INPP4B: variants seen among roughly 807,000 people sequenced by gnomAD.
The protein encoded by INPP4B is inositol polyphosphate-4-phosphatase type II B.
A neutral mutation model predicts 122.5 loss-of-function variants in INPP4B; 55 were observed. The observed-to-expected ratio is 0.45, with a 90% confidence interval of 0.36 to 0.56. The LOEUF is 0.56. Among genes scored for constraint, INPP4B ranks in the 20% least tolerant of loss-of-function variants. The pLI is 0.00. For missense variants in INPP4B, 1,000 were observed against 1,097.7 expected (o/e 0.91, Z 1.26); for synonymous variants, 403 against 388.7 (o/e 1.04, Z -0.43).
Position 142,215,118 on chromosome 4 carries a change from T to C in INPP4B, c.837-6092A>G, listed in dbSNP as rs934343296. The stretch of plus-strand genomic sequence containing the variant: ...TTCATAAACTCCCAGGATGCTACGG[T>C]TGGAAGGAAGCTCAGAGAATAACCT... On this transcript the variant is annotated intron_variant, in intron 12 of 25. Coordinates refer to ENST00000262992, the MANE Select transcript of INPP4B (RefSeq NM_001101669.3). Among the ~76,000 whole-genome samples the C allele has an allele frequency of 2.0e-5, 3 of 152,130 alleles. 1 individual carries two copies. The highest frequency in any genetic ancestry group is 2.9e-5 in the Non-Finnish European group (2 of 68,032).
chr4:142,512,845 G>C (rs1323801424), intron 2 of INPP4B, among the ~76,000 whole-genome samples: 1 of 151,962 alleles, frequency 6.6e-6, no homozygotes, highest in Non-Finnish European at 1.5e-5. Flanking sequence ...AAAGTAATTT[G>C]TGCTCATTAT....
chr4:142,712,448 C>A (rs1763232473), intron 2 of INPP4B, among the ~76,000 whole-genome samples: 1 of 152,192 alleles, frequency 6.6e-6, no homozygotes, highest in Non-Finnish European at 1.5e-5. Flanking sequence ...ATCCAAATGT[C>A]CAAGGCATGC....
At chr4:142,679,948 A>C (rs1758387143) in intron 2 of INPP4B, among the ~76,000 whole-genome samples, 1 of 151,764 alleles carries the variant, frequency 6.6e-6, no homozygotes, top group Non-Finnish European at 1.5e-5. Context: ...TTAGAGACTT[A>C]AGCAATTAAA....
At chr4:142,691,328 G>GT (rs1220526135) in intron 2 of INPP4B, among the ~76,000 whole-genome samples, 162 of 146,728 alleles carry the variant, frequency 1.1e-3, no homozygotes, top group African/African-American at 1.2e-3. Context: ...CAAGGGCAAA[G>GT]TTTTTTTTTT....
At chr4:142,482,653 T>C (rs1434023144) in intron 2 of INPP4B, among the ~76,000 whole-genome samples, 1 of 152,192 alleles carries the variant, frequency 6.6e-6, no homozygotes, top group Non-Finnish European at 1.5e-5. Context: ...AAACAGGCTC[T>C]GTATGTATCA....
chr4:142,229,508 G>A (rs904150376), intron 12 of INPP4B, among the ~76,000 whole-genome samples: 14 of 152,050 alleles, frequency 9.2e-5, no homozygotes, highest in African/African-American at 2.9e-4. Context: ...CCACATGGCC[G>A]GTGAATGGTG....
At chr4:142,391,047 G>A (rs1797503779) in intron 7 of INPP4B, among the ~76,000 whole-genome samples, 1 of 152,094 alleles carries the variant, frequency 6.6e-6, no homozygotes, top group African/African-American at 2.4e-5. Flanking sequence ...TTATAAAACT[G>A]CTAACCCAAG....
intron 3 of INPP4B, among the ~76,000 whole-genome samples, chr4:142,459,255 C>T (rs1019829664): frequency 2.2e-5 from 3 of 139,268 alleles, no homozygotes; most frequent in African/African-American, 8.1e-5. Context: ...TTCACAGATA[C>T]GGATCAAAGG....
At chr4:142,414,353 T>C (rs1440591721) in intron 5 of INPP4B, among the ~76,000 whole-genome samples, 2 of 152,110 alleles carry the variant, frequency 1.3e-5, no homozygotes, top group East Asian at 3.9e-4. Flanking sequence ...GGGAATATTA[T>C]TGATACTAAA....
intron 23 of INPP4B, among the ~76,000 whole-genome samples, chr4:142,106,966 C>T (rs970219841): frequency 6.6e-6 from 1 of 151,746 alleles, no homozygotes. Context: ...ATAATAAACT[C>T]TTTTTTTTCA....
chr4:142,780,780 A>C (rs977750459), intron 1 of INPP4B, among the ~76,000 whole-genome samples: 1 of 152,160 alleles, frequency 6.6e-6, no homozygotes, highest in East Asian at 1.9e-4. Context: ...CCTGGGTGAC[A>C]GAGTGAAACA....
chr4:142,581,170 A>G (rs1734974413), intron 2 of INPP4B, among the ~76,000 whole-genome samples: 1 of 152,016 alleles, frequency 6.6e-6, no homozygotes, highest in Non-Finnish European at 1.5e-5. Context: ...AAAAAAATAT[A>G]CTTTTGTTTA....
At chr4:142,537,521 C>T (rs927099667) in intron 2 of INPP4B, among the ~76,000 whole-genome samples, 2 of 149,856 alleles carry the variant, frequency 1.3e-5, no homozygotes, top group Non-Finnish European at 3.0e-5. Flanking sequence ...CCTCACAACA[C>T]ACACAATCAC....
chr4:142,377,620 T>C (rs1792452687), intron 7 of INPP4B, among the ~76,000 whole-genome samples: 2 of 152,074 alleles, frequency 1.3e-5, no homozygotes, highest in Admixed American at 1.3e-4. Flanking sequence ...TAGGCAGAAA[T>C]GAGAATCAGG....
At chr4:142,444,801 A>G (rs138195348) in intron 3 of INPP4B, among the ~76,000 whole-genome samples, 2 of 152,334 alleles carry the variant, frequency 1.3e-5, no homozygotes, top group Non-Finnish European at 2.9e-5. Flanking sequence ...AATGTGGCAC[A>G]TAAACACCAT....
rs1290417540 is a variant in INPP4B, at chr4:142,230,010, C to T, written c.836+7854G>A. Among the ~76,000 whole-genome samples, 6 of 152,246 alleles carry T rather than the reference C, an allele frequency of 3.9e-5. No homozygotes were observed. In the East Asian group the frequency reaches 1.2e-3, roughly 29 times the overall value. ...TAAACTAGAAGAAACCAAGGTACCACTAACTGGCAAGTCTAAATAGCCTAG... is the reference window on the plus strand; with the variant it reads ...TAAACTAGAAGAAACCAAGGTACCATTAACTGGCAAGTCTAAATAGCCTAG... On this transcript the variant is annotated intron_variant, in intron 12 of 25. Coordinates refer to ENST00000262992, the MANE Select transcript of INPP4B (RefSeq NM_001101669.3).
rs1737393207 is a variant in INPP4B at position 142,027,566 on chromosome 4, C to G, written c.*1216G>C. 1 of 152,130 alleles carries G rather than the reference C, an allele frequency of 6.6e-6. No individual in the cohort carries two copies. Among genetic ancestry groups the G allele is most frequent in the African/African-American group, 2.4e-5 (1 of 41,434 alleles). 9.4% of individuals were successfully genotyped at this position (152,130 alleles called of 1,614,324 possible). On this transcript the variant is annotated 3_prime_UTR_variant, in exon 26 of 26. Coordinates refer to ENST00000262992, the MANE Select transcript of INPP4B (RefSeq NM_001101669.3). ...CTAGCATTCTCCCTCAATTTTCATGCATATTTAGCATGGCAATTTGGAGAA... is the reference window on the plus strand; with the variant it reads ...CTAGCATTCTCCCTCAATTTTCATGGATATTTAGCATGGCAATTTGGAGAA...
At chr4:142,074,067 C>A (rs575272501) in intron 25 of INPP4B, among the ~76,000 whole-genome samples, 1 of 152,086 alleles carries the variant, frequency 6.6e-6, no homozygotes, top group Admixed American at 6.6e-5. Context: ...TCTGTCCAAA[C>A]CCAAGGGATG....
chr4:142,116,570 C>T (rs1793584211), intron 21 of INPP4B, among the ~76,000 whole-genome samples: 1 of 152,056 alleles, frequency 6.6e-6, no homozygotes, highest in African/African-American at 2.4e-5. Context: ...CTACTGGGTA[C>T]ATAACGAAAT....
Sources: gnomAD v4.1 joint callset for allele counts (sites outside exome capture counted in the v4.1 genomes callset) on GRCh38, gnomAD v4.1.1 for gene constraint, MANE v1.5 for transcripts, NCBI Gene and HGNC (gene_info 2026-07-23, HGNC 2026-07-21) for gene names.